The following SNTG1 variants were observed in gnomAD, a reference collection of about 807,000 sequenced individuals.
The protein encoded by SNTG1 is gamma-1-syntrophin.
SNTG1 carries 39 observed loss-of-function variants against 74.7 expected under a neutral mutation model. The ratio of observed to expected loss-of-function variants is 0.52; its 90% CI spans 0.40 to 0.68. The LOEUF is 0.68. SNTG1 is among the 30% of genes least tolerant of loss of function. SNTG1 has a pLI of 0.00. For synonymous variants in SNTG1, 254 were observed against 217.1 expected (o/e 1.17, Z -1.49); for missense variants, 685 against 609.5 (o/e 1.12, Z -1.30).
At chr8:50,432,668 T>C (rs1252291735) in intron 4 of SNTG1, among the ~76,000 whole-genome samples, 1 of 152,130 alleles carries the variant, frequency 6.6e-6, no homozygotes, top group Non-Finnish European at 1.5e-5. Context: ...TTCATATGTT[T>C]TGAACATATT....
intron 15 of SNTG1, among the ~76,000 whole-genome samples, chr8:50,660,220 G>C (rs1018261327): frequency 1.4e-5 from 2 of 140,686 alleles, no homozygotes; most frequent in African/African-American, 5.7e-5. Flanking sequence ...GAAAAGAAAA[G>C]AAGAAAAGAA....
At position 50,695,463 on chromosome 8, in the gene SNTG1, T is replaced by C. The variant is rs951750873; in HGVS notation, c.1039-9137T>C. 5.5e-5 allele frequency among the ~76,000 whole-genome samples: 8 copies of C among 146,450 alleles called. No homozygotes were observed. In the South Asian group the frequency reaches 1.3e-3, roughly 24 times the overall value. ...TAAATGAAGGAATTATGAGTGACTTTTAATTTTTGTCTGTTTTTTATTTCT... is the reference window on the plus strand; with the variant it reads ...TAAATGAAGGAATTATGAGTGACTTCTAATTTTTGTCTGTTTTTTATTTCT... On this transcript the variant is annotated intron_variant, in intron 15 of 18. Transcript: ENST00000642720.
At chr8:50,293,411 T>G (rs548922586) in intron 2 of SNTG1, among the ~76,000 whole-genome samples, 23 of 151,522 alleles carry the variant, frequency 1.5e-4, no homozygotes, top group African/African-American at 5.1e-4. Flanking sequence ...TTCTTTTTTT[T>G]TTTTTCTTTT....
In SNTG1 at chr8:50,119,557, G is replaced by T. The variant is rs1458455163; in HGVS notation, c.-102-53004G>T. ...AGAAATAGTAATTCAACAAATCCTG[G>T]TTCAACTAATTACAACTAATTAATT... is the stretch of plus-strand genomic sequence containing the variant. On this transcript the variant is annotated intron_variant, in intron 1 of 18. Transcript: ENST00000642720. Among the ~76,000 whole-genome samples the T allele has an allele frequency of 1.4e-5, 2 of 141,374 alleles. 1 individual carries two copies. The highest frequency in any genetic ancestry group is 5.4e-4 in the South Asian group (2 of 3,722). 92.7% of individuals were successfully genotyped at this position (141,374 alleles called of 152,430 possible).
chr8:50,523,045 A>G (rs550746888), intron 9 of SNTG1, among the ~76,000 whole-genome samples: 1 of 152,286 alleles, frequency 6.6e-6, no homozygotes, highest in African/African-American at 2.4e-5. Context: ...TTCATCTTGT[A>G]ATTTTATATA....
chr8:50,190,060 A>G (rs2083511880), intron 2 of SNTG1, among the ~76,000 whole-genome samples: 1 of 152,116 alleles, frequency 6.6e-6, no homozygotes, highest in Non-Finnish European at 1.5e-5. Context: ...GCTTTCATTC[A>G]TTTATTAATC....
chr8:50,655,481 A>G (rs943587418), intron 13 of SNTG1, among the ~76,000 whole-genome samples: 1 of 152,222 alleles, frequency 6.6e-6, no homozygotes, highest in Non-Finnish European at 1.5e-5. Context: ...AGAATACATT[A>G]TATAATTAAA....
chr8:50,520,673 A>G (rs893650295), intron 9 of SNTG1, among the ~76,000 whole-genome samples: 22 of 152,268 alleles, frequency 1.4e-4, no homozygotes, highest in Middle Eastern at 3.4e-3. Context: ...ATGAAAAAAT[A>G]CTCATCATCA....
At chr8:49,975,231 C>A (rs770246917) in intron 1 of SNTG1, among the ~76,000 whole-genome samples, 9 of 152,266 alleles carry the variant, frequency 5.9e-5, no homozygotes, top group Middle Eastern at 3.4e-3. Flanking sequence ...AATTCATAAT[C>A]ACCTCAACTG....
chr8:50,071,760 G>A lies in SNTG1; in HGVS notation c.-102-100801G>A, dbSNP rs530992359. On this transcript the variant is annotated intron_variant, in intron 1 of 18. Transcript: ENST00000642720. ...CCCAAAGTGCTGGGGTTACAGGCAT[G>A]AGCCACCACTCCCAGCTTAAAATAT... 3.3e-5 allele frequency among the ~76,000 whole-genome samples: 5 copies of A among 150,932 alleles called. No individual in the cohort carries two copies. The East Asian group carries it at 7.8e-4, about 24-fold the overall frequency.
At chr8:50,164,785 A>G (rs2082555716) in intron 1 of SNTG1, among the ~76,000 whole-genome samples, 2 of 152,160 alleles carry the variant, frequency 1.3e-5, no homozygotes, top group South Asian at 2.1e-4. Flanking sequence ...AAAAAATATT[A>G]TCTCCAACTA....
intron 8 of SNTG1, among the ~76,000 whole-genome samples, chr8:50,460,489 T>A (rs1348506992): frequency 6.6e-6 from 1 of 152,172 alleles, no homozygotes; most frequent in Non-Finnish European, 1.5e-5. Flanking sequence ...TTTAGTTTAA[T>A]TAGGTCTCAC....
intron 5 of SNTG1, among the ~76,000 whole-genome samples, chr8:50,445,592 A>G (rs750026806): frequency 3.0e-4 from 45 of 152,224 alleles, no homozygotes; most frequent in Non-Finnish European, 5.7e-4. Context: ...AAAATCCACT[A>G]TGCTTTGTAA....
chr8:50,296,146 A>T (rs906687040), intron 2 of SNTG1, among the ~76,000 whole-genome samples: 1 of 152,172 alleles, frequency 6.6e-6, no homozygotes, highest in African/African-American at 2.4e-5. Flanking sequence ...ACACTAGGTA[A>T]TGGAAAGACT....
chr8:49,946,338 A>C (rs1333846801), intron 1 of SNTG1, among the ~76,000 whole-genome samples: 2 of 152,230 alleles, frequency 1.3e-5, no homozygotes, highest in African/African-American at 4.8e-5. Flanking sequence ...TAGACATAAT[A>C]GTTCAATATA....
intron 2 of SNTG1, among the ~76,000 whole-genome samples, chr8:50,281,873 G>T (rs1232804587): frequency 6.6e-6 from 1 of 152,150 alleles, no homozygotes; most frequent in Non-Finnish European, 1.5e-5. Context: ...GAACTTATGA[G>T]ATATAGCAAA....
chr8:49,958,282 G>A (rs1018792754), intron 1 of SNTG1, among the ~76,000 whole-genome samples: 15 of 152,106 alleles, frequency 9.9e-5, no homozygotes, highest in African/African-American at 2.9e-4. Flanking sequence ...ACATACCTGC[G>A]GACAGAATGG....
At chr8:50,507,899 T>A (rs1231381265) in intron 9 of SNTG1, among the ~76,000 whole-genome samples, 2 of 151,460 alleles carry the variant, frequency 1.3e-5, no homozygotes, top group African/African-American at 4.9e-5. Flanking sequence ...GTGTTCTCAT[T>A]GTTCAATTCC....
chr8:50,305,377 G>A (rs1307852706), intron 2 of SNTG1, among the ~76,000 whole-genome samples: 1 of 151,842 alleles, frequency 6.6e-6, no homozygotes, highest in Admixed American at 6.6e-5. Flanking sequence ...TTAAAGTCTG[G>A]TATTTTTTAC....
Sources: allele counts gnomAD v4.1 joint callset (sites outside exome capture counted in the v4.1 genomes callset), GRCh38; gene constraint gnomAD v4.1.1; transcripts MANE v1.5; gene names NCBI Gene and HGNC (gene_info 2026-07-23, HGNC 2026-07-21).